PPFIBP1: variants seen among roughly 807,000 people sequenced by gnomAD.
PPFIBP1 encodes PPFIB scaffold protein 1, also known as liprin-beta-1.
PPFIBP1 carries 112 observed loss-of-function variants against 137.8 expected under a neutral mutation model. The observed-to-expected ratio is 0.81, with a 90% CI of 0.70 to 0.95. The LOEUF is 0.95. Ranked by LOEUF, PPFIBP1 falls within the 40% of genes least tolerant of loss-of-function variation. The pLI, the probability that PPFIBP1 is intolerant of heterozygous loss-of-function variation, is 0.00. For synonymous variants in PPFIBP1, 378 were observed against 417.3 expected (o/e 0.91, Z 1.15); for missense variants, 1,083 against 1,196.6 (o/e 0.91, Z 1.40).
intron 4 of PPFIBP1, among the ~76,000 whole-genome samples, chr12:27,639,610 A>C (rs974514011): frequency 1.3e-5 from 2 of 152,238 alleles, no homozygotes; most frequent in Non-Finnish European, 2.9e-5. Context: ...GTGAAATACT[A>C]ATGGTGAATA....
chr12:27,527,273 G>C (rs888562730), intron 1 of PPFIBP1, among the ~76,000 whole-genome samples: 2 of 151,378 alleles, frequency 1.3e-5, no homozygotes, highest in Non-Finnish European at 2.9e-5. Flanking sequence ...TTTTGAGACA[G>C]GGTCTCGCTC....
intron 1 of PPFIBP1, among the ~76,000 whole-genome samples, chr12:27,557,471 G>A (rs2048793766): frequency 6.6e-6 from 1 of 152,014 alleles, no homozygotes. Flanking sequence ...TCCTGACCTC[G>A]TGATCCACCC....
intron 4 of PPFIBP1, among the ~76,000 whole-genome samples, chr12:27,645,853 G>A (rs181425512): frequency 1.4e-4 from 22 of 152,186 alleles, no homozygotes; most frequent in African/African-American, 4.8e-4. Flanking sequence ...TGTTTACTTT[G>A]GCAAAACATG....
chr12:27,603,338 G>A (rs1236486709), intron 2 of PPFIBP1, among the ~76,000 whole-genome samples: 1 of 152,148 alleles, frequency 6.6e-6, no homozygotes, highest in Non-Finnish European at 1.5e-5. Context: ...GGGATGTTCT[G>A]TAAATGGTTT....
chr12:27,646,038 T>A, intron 4 of PPFIBP1, 24 bp from the exon 5 acceptor site: 1 of 1,498,458 alleles, frequency 6.7e-7, no homozygotes, highest in Non-Finnish European at 9.3e-7. Context: ...AGATCAGCCT[T>A]ACCCATATTA....
At position 27,598,840 on chromosome 12, in the gene PPFIBP1, A is replaced by T. The variant is rs560586840; in HGVS notation, c.-36+20601A>T. Among the ~76,000 whole-genome samples the T allele has an allele frequency of 7.8e-4, 119 of 152,240 alleles. 1 individual carries two copies. Among genetic ancestry groups the T allele is most frequent in the South Asian group, 2.5e-3 (12 of 4,822 alleles). On this transcript the variant is annotated intron_variant, in intron 2 of 29. Transcript: ENST00000228425. Reference sequence around the variant, plus strand: ...ATGTTAATTTTTTTCTTAGGGCCTTAATTAGACTTGCAGGTCTAGCTTCCC... The same window carrying T: ...ATGTTAATTTTTTTCTTAGGGCCTTTATTAGACTTGCAGGTCTAGCTTCCC...
At chr12:27,576,796 T>G (rs1949262499) in intron 1 of PPFIBP1, among the ~76,000 whole-genome samples, 1 of 152,208 alleles carries the variant, frequency 6.6e-6, no homozygotes, top group Admixed American at 6.5e-5. Context: ...CTTCTCCAAC[T>G]AAATCTTGTG....
intron 2 of PPFIBP1, among the ~76,000 whole-genome samples, chr12:27,582,161 CTG>C (rs1262694208): frequency 2.6e-5 from 4 of 151,868 alleles, no homozygotes; most frequent in African/African-American, 7.3e-5. Flanking sequence ...TAGTGTGTAA[CTG>C]TAGACAGAGG....
chr12:27,676,359 C>A, intron 17 of PPFIBP1, 69 bp from the exon 18 acceptor site: 1 of 1,237,374 alleles, frequency 8.1e-7, no homozygotes, highest in Non-Finnish European at 1.1e-6. Flanking sequence ...TGAGTATTTG[C>A]TGTTAGCCTG....
chr12:27,692,732 T>A, intron 29 of PPFIBP1, 64 bp from the exon 30 acceptor site: 1 of 1,614,024 alleles, frequency 6.2e-7, no homozygotes, highest in Non-Finnish European at 8.5e-7. Context: ...CACATGTCTC[T>A]TGGAGAATGT....
rs1461200735 is a variant in PPFIBP1 at position 27,667,314 on chromosome 12, C to G, written c.1140C>G (p.Pro380=). 1 of 1,598,034 alleles carries G rather than the reference C, an allele frequency of 6.3e-7. No homozygotes were observed. The highest frequency in any genetic ancestry group is 8.5e-7 in the Non-Finnish European group (1 of 1,174,426). ...PSCDPFNTSV[P]EEFHTTILQV... is the part of the protein sequence containing the mutation. ...GTGACCCATTTAACACAAGTGTTCCCGAAGAGGTATTAATAGACTTTCAGT... is the reference window on the plus strand; with the variant it reads ...GTGACCCATTTAACACAAGTGTTCCGGAAGAGGTATTAATAGACTTTCAGT... Residue 380 remains proline (P), a synonymous_variant, in exon 13 of 30, where the codon CCC becomes CCG. Transcript: ENST00000228425.
intron 19 of PPFIBP1, among the ~76,000 whole-genome samples, chr12:27,678,585 C>T (rs1028555147): frequency 2.0e-5 from 3 of 152,126 alleles, no homozygotes; most frequent in South Asian, 2.1e-4. Context: ...CGAGGCCAGG[C>T]GTGGTGGCTC....
At chr12:27,661,510 T>G (rs978432002) in intron 11 of PPFIBP1, among the ~76,000 whole-genome samples, 1 of 152,134 alleles carries the variant, frequency 6.6e-6, no homozygotes, top group African/African-American at 2.4e-5. Context: ...TATCCACATG[T>G]GATGTTTCGT....
chr12:27,578,781 A>C (rs2050795926), intron 2 of PPFIBP1, among the ~76,000 whole-genome samples: 1 of 152,252 alleles, frequency 6.6e-6, no homozygotes, highest in Non-Finnish European at 1.5e-5. Flanking sequence ...TGTTCATTCT[A>C]CAAATAGTGT....
intron 24 of PPFIBP1, among the ~76,000 whole-genome samples, chr12:27,683,307 TG>T (rs1251343971): frequency 3.9e-5 from 6 of 152,182 alleles, no homozygotes; most frequent in African/African-American, 1.4e-4. Context: ...TCAAGCGACC[TG>T]CCTGCCTCGG....
chr12:27,589,391 C>T (rs1310144148), intron 2 of PPFIBP1, among the ~76,000 whole-genome samples: 5 of 152,156 alleles, frequency 3.3e-5, no homozygotes, highest in East Asian at 1.9e-4. Flanking sequence ...GCGATCCTTG[C>T]GCCTCGGCCT....
chr12:27,543,619 ATG>A (rs974894449), intron 1 of PPFIBP1, among the ~76,000 whole-genome samples: 83 of 152,300 alleles, frequency 5.4e-4, no homozygotes, highest in African/African-American at 1.5e-3. Flanking sequence ...AATTCACGCC[ATG>A]TATATGCTTC....
At chr12:27,583,052 T>A (rs944012785) in intron 2 of PPFIBP1, among the ~76,000 whole-genome samples, 4 of 152,356 alleles carry the variant, frequency 2.6e-5, no homozygotes, top group Admixed American at 6.5e-5. Flanking sequence ...AAGATATTTT[T>A]GAGGAAAAGG....
At chr12:27,641,980 A>AATAAATAAATAAATAG (rs1555225027) in intron 4 of PPFIBP1, among the ~76,000 whole-genome samples, 4,587 of 144,822 alleles carry the variant, frequency 0.032, 83 homozygotes, top group Middle Eastern at 0.057. Flanking sequence ...TAAATAAATA[A>AATAAATAAATAAATAG]ATAGAAGGCT....
Sources: gnomAD v4.1 joint callset for allele counts (sites outside exome capture counted in the v4.1 genomes callset) on GRCh38, gnomAD v4.1.1 for gene constraint, MANE v1.5 for transcripts, NCBI Gene and HGNC (gene_info 2026-07-23, HGNC 2026-07-21) for gene names.